The following KIDINS220 variants were observed in gnomAD, a reference collection of about 807,000 sequenced individuals.
KIDINS220 encodes kinase D-interacting substrate of 220 kDa.
Under a neutral mutation model 157.6 loss-of-function variants are expected in KIDINS220, and 63 were observed. The ratio of observed to expected loss-of-function variants is 0.40; its 90% CI spans 0.33 to 0.49. The LOEUF is 0.49. Ranked by LOEUF, KIDINS220 falls within the 20% of genes least tolerant of loss-of-function variation. KIDINS220 has a pLI of 0.66. For synonymous variants in KIDINS220, 732 were observed against 783.6 expected (o/e 0.93, Z 1.10); for missense variants, 1,772 against 2,171.2 (o/e 0.82, Z 3.65).
intron 2 of KIDINS220, among the ~76,000 whole-genome samples, chr2:8,821,346 GA>G (rs972941332): frequency 1.5e-4 from 22 of 144,132 alleles, no homozygotes; most frequent in Admixed American, 2.1e-4. Flanking sequence ...GAGCTCAGCT[GA>G]AAAAAAAAAA....
intron 22 of KIDINS220, among the ~76,000 whole-genome samples, chr2:8,765,357 G>C (rs2148132046): frequency 6.6e-6 from 1 of 152,214 alleles, no homozygotes; most frequent in Admixed American, 6.5e-5. Flanking sequence ...ACACCTAGCA[G>C]TCTTCAATGC....
intron 6 of KIDINS220, 125 bp from the exon 7 acceptor site, chr2:8,806,494 G>GT (rs1449237321): frequency 3.5e-6 from 2 of 577,242 alleles, no homozygotes; most frequent in Non-Finnish European, 5.9e-6. Flanking sequence ...TACATTTATC[G>GT]TAATTGTAAT....
chr2:8,807,711 T>A lies in KIDINS220; in HGVS notation c.505-1342A>T, dbSNP rs187102119. Reference sequence around the variant, plus strand: ...GATGAAGACTCCATGACAGACAGAATCACAAGGTTGCCAATACAGCACATG... The same window carrying A: ...GATGAAGACTCCATGACAGACAGAAACACAAGGTTGCCAATACAGCACATG... On this transcript the variant is annotated intron_variant, in intron 6 of 29. Transcript: ENST00000256707. Among the ~76,000 whole-genome samples, 45 of 152,150 alleles carry A rather than the reference T, an allele frequency of 3.0e-4. 1 individual carries two copies. Among genetic ancestry groups the A allele is most frequent in the South Asian group, 1.9e-3 (9 of 4,818 alleles).
chr2:8,779,358 G>A (rs930829560), intron 18 of KIDINS220, among the ~76,000 whole-genome samples: 3 of 152,092 alleles, frequency 2.0e-5, no homozygotes, highest in African/African-American at 7.2e-5. Flanking sequence ...AATTAATATT[G>A]TCCTTCTTTC....
At chr2:8,744,401 A>ATAT (rs57838968) in intron 26 of KIDINS220, among the ~76,000 whole-genome samples, 11 of 7,018 alleles carry the variant, frequency 1.6e-3, no homozygotes, top group Non-Finnish European at 1.9e-3. Flanking sequence ...ATATATATAT[A>ATAT]ATATATATAT....
In KIDINS220 at chr2:8,825,971, C is replaced by T. The variant is rs1031336851; in HGVS notation, c.108+1015G>A. 23 of 152,020 alleles carry T rather than the reference C, an allele frequency of 1.5e-4. 1 individual carries two copies. The highest frequency in any genetic ancestry group is 5.9e-4 in the Admixed American group (9 of 15,270). 9.4% of individuals were successfully genotyped at this position (152,020 alleles called of 1,614,324 possible). ...TGGTGGCGGGCGCCTGTAGTCCCAACTACTCGGGAGGCTGAGGCAGGAGAA... is the reference window on the plus strand; with the variant it reads ...TGGTGGCGGGCGCCTGTAGTCCCAATTACTCGGGAGGCTGAGGCAGGAGAA... On this transcript the variant is annotated intron_variant, in intron 2 of 29. Transcript: ENST00000256707.
At chr2:8,749,390 A>T (rs1240473529) in intron 24 of KIDINS220, 3 of 456,262 alleles carry the variant, frequency 6.6e-6, no homozygotes, top group Admixed American at 2.4e-5. Flanking sequence ...ACAGTTCCAG[A>T]AAGTGTAACC....
At chr2:8,800,536 T>A (rs768374920) in intron 8 of KIDINS220, 38 bp from the exon 9 acceptor site, 2 of 1,401,746 alleles carry the variant, frequency 1.4e-6, no homozygotes, top group African/African-American at 2.9e-5. Flanking sequence ...ACAAGGTAAA[T>A]TGACAACAAA....
intron 27 of KIDINS220, among the ~76,000 whole-genome samples, chr2:8,735,963 G>T (rs978090049): frequency 3.3e-5 from 5 of 152,210 alleles, no homozygotes; most frequent in Admixed American, 6.5e-5. Context: ...CCAACCAGCT[G>T]CCTGAAGGAG....
intron 17 of KIDINS220, among the ~76,000 whole-genome samples, chr2:8,781,236 A>G (rs1671696999): frequency 1.3e-5 from 2 of 150,234 alleles, no homozygotes; most frequent in South Asian, 2.1e-4. Context: ...AAACATTTAT[A>G]TATCTAAGAA....
chr2:8,796,059 C>T (rs547995819), intron 11 of KIDINS220, among the ~76,000 whole-genome samples: 1 of 152,034 alleles, frequency 6.6e-6, no homozygotes, highest in Non-Finnish European at 1.5e-5. Context: ...CACATTGACT[C>T]GTGACTCCCT....
rs773105527 is a variant in KIDINS220, at chr2:8,730,779, G to A, written c.5257C>T (p.His1753Tyr). The A allele has an allele frequency of 6.2e-7, 1 of 1,614,224 alleles. No homozygotes were observed. The highest frequency in any genetic ancestry group is 1.7e-5 in the Admixed American group (1 of 60,028). Reference sequence around the variant, plus strand: ...GTGCTCTCAGAAGAGGCTGCTGCATGGAGCTCCGGAGGATCTTTGGAGAGC... The same window carrying A: ...GTGCTCTCAGAAGAGGCTGCTGCATAGAGCTCCGGAGGATCTTTGGAGAGC... Reference protein sequence around the residue: ...TRLSKDPPELHAAASSESTGF... With the variant: ...TRLSKDPPELYAAASSESTGF... Residue 1753 changes from histidine (H) to tyrosine (Y), a missense_variant, in exon 30 of 30, where the codon CAT (histidine) becomes TAT (tyrosine). His to Tyr is a moderately conservative substitution (Grantham distance 83). Around this residue, in one of 3 missense-constraint regions of KIDINS220, gnomAD observed 793 missense variants for 885.5 expected, o/e 0.90. Transcript: ENST00000256707.
intron 19 of KIDINS220, 25 bp from the exon 20 acceptor site, chr2:8,778,752 T>A: frequency 6.3e-7 from 1 of 1,599,496 alleles, no homozygotes; most frequent in Non-Finnish European, 8.6e-7. Context: ...CAAGACAGCA[T>A]CACTTACACC....
rs372294335 is a variant in KIDINS220, at chr2:8,747,642, C to T, written c.3528+245G>A. ...AGTTTTGGTAGCAAACACTATATTA[C>T]AAGCCAGAAATTTCTGGCTATAAAC... is the stretch of plus-strand genomic sequence containing the variant. On this transcript the variant is annotated intron_variant, in intron 25 of 29. Transcript: ENST00000256707. 3.8e-4 allele frequency: 139 copies of T among 362,592 alleles called. 1 individual carries two copies. The highest frequency in any genetic ancestry group is 7.4e-4 in the Middle Eastern group (1 of 1,344). 22.5% of individuals were successfully genotyped at this position (362,592 alleles called of 1,614,324 possible). A position where few individuals can be genotyped will look rare whatever the true frequency, so the allele number is the denominator to read the frequency against.
At chr2:8,792,862 C>A (rs1027010897) in intron 12 of KIDINS220, among the ~76,000 whole-genome samples, 12 of 152,104 alleles carry the variant, frequency 7.9e-5, no homozygotes, top group African/African-American at 2.7e-4. Flanking sequence ...AATGGATATA[C>A]GTACAAAGGT....
intron 25 of KIDINS220, chr2:8,747,410 C>CA (rs773562839): frequency 7.9e-5 from 45 of 568,688 alleles, no homozygotes; most frequent in Admixed American, 2.5e-4. Context: ...ATTTTGGGCA[C>CA]AAATGTCTTT....
At chr2:8,801,991 CAAG>C (rs1245690980) in intron 8 of KIDINS220, among the ~76,000 whole-genome samples, 4 of 152,122 alleles carry the variant, frequency 2.6e-5, no homozygotes, top group Non-Finnish European at 5.9e-5. Context: ...GTGAGAATGA[CAAG>C]AAGGAGCCAA....
intron 1 of KIDINS220, among the ~76,000 whole-genome samples, chr2:8,828,384 CCTGCTTTCA>C (rs1387010814): frequency 6.6e-6 from 1 of 152,194 alleles, no homozygotes; most frequent in Non-Finnish European, 1.5e-5. Context: ...AACCCTTTGT[CCTGCTTTCA>C]CTGCTCTCCA....
intron 16 of KIDINS220, 83 bp from the exon 17 acceptor site, chr2:8,786,113 T>A: frequency 6.4e-7 from 1 of 1,566,040 alleles, no homozygotes; most frequent in Non-Finnish European, 8.7e-7. Flanking sequence ...ACCTGATGAG[T>A]CTAATGTTCA....
Sources: allele counts gnomAD v4.1 joint callset (sites outside exome capture counted in the v4.1 genomes callset), GRCh38; gene constraint gnomAD v4.1.1; regional missense constraint gnomAD v4.1.1; transcripts MANE v1.5; gene names NCBI Gene and HGNC (gene_info 2026-07-23, HGNC 2026-07-21).